The following IL1RAPL1 variants were observed in gnomAD, a reference collection of about 807,000 sequenced individuals.
The protein encoded by IL1RAPL1 is interleukin 1 receptor accessory protein like 1, also known as interleukin-1 receptor accessory protein-like 1.
A neutral mutation model predicts 48.4 loss-of-function variants in IL1RAPL1; 3 were observed. The observed-to-expected ratio is 0.06, with a 90% CI of 0.03 to 0.16. IL1RAPL1 has a LOEUF of 0.16. IL1RAPL1 is among the 10% of genes least tolerant of loss of function. IL1RAPL1 has a pLI of 1.00. For missense variants in IL1RAPL1, 349 were observed against 530.6 expected, an observed-to-expected ratio of 0.66 and a Z score of 3.36; for synonymous variants, 185 against 187.7, an observed-to-expected ratio of 0.99 and a Z score of 0.12.
At chrX:29,384,068 A>G (rs763104269) in intron 3 of IL1RAPL1, among the ~76,000 whole-genome samples, 5 of 112,394 alleles carry the variant, frequency 4.4e-5, no homozygotes, top group African/African-American at 1.6e-4. Flanking sequence ...AGGAATTTAT[A>G]TATAATGTGG....
intron 5 of IL1RAPL1, among the ~76,000 whole-genome samples, chrX:29,481,517 G>T (rs1424423198): frequency 8.9e-6 from 1 of 112,451 alleles, no homozygotes; most frequent in Non-Finnish European, 1.9e-5. Context: ...GAAATGAGGT[G>T]CTGGTGTGGA....
intron 5 of IL1RAPL1, among the ~76,000 whole-genome samples, chrX:29,544,545 TTTGGACAATCACTTA>T (rs1445925138): frequency 8.9e-6 from 1 of 112,108 alleles, no homozygotes; most frequent in African/African-American, 3.2e-5. Context: ...GCTAATTGAC[TTTGGACAATCACTTA>T]TTGCTCTGGA....
At chrX:28,878,641 C>A (rs761067155) in intron 2 of IL1RAPL1, among the ~76,000 whole-genome samples, 20 of 111,616 alleles carry the variant, frequency 1.8e-4, no homozygotes, top group African/African-American at 5.9e-4. Context: ...TCTAAGTAAA[C>A]AAGAGGGGCA....
chrX:29,499,987 T>G (rs1300932808), intron 5 of IL1RAPL1, among the ~76,000 whole-genome samples: 2 of 110,697 alleles, frequency 1.8e-5, no homozygotes, highest in Admixed American at 1.9e-4. Context: ...CTTTTTCTTT[T>G]TTTTTTGAGA....
chrX:28,847,368 C>G (rs1921536168), intron 2 of IL1RAPL1, among the ~76,000 whole-genome samples: 1 of 111,312 alleles, frequency 9.0e-6, no homozygotes, highest in South Asian at 3.8e-4. Context: ...CCCTTGCTCC[C>G]TTTAACTGTT....
intron 3 of IL1RAPL1, among the ~76,000 whole-genome samples, chrX:29,338,088 T>C (rs1052779689): frequency 4.5e-5 from 5 of 112,205 alleles, no homozygotes; most frequent in African/African-American, 1.6e-4. Context: ...CATATCTTAA[T>C]CATTTTTTAT....
intron 2 of IL1RAPL1, among the ~76,000 whole-genome samples, chrX:29,168,937 ATATT>A (rs1929857311): frequency 1.3e-5 from 1 of 79,335 alleles, no homozygotes; most frequent in African/African-American, 4.3e-5. Context: ...TTGTATATAT[ATATT>A]CATATGTACA....
At position 29,391,655 on chromosome X, in the gene IL1RAPL1, G is replaced by A. The variant is rs774972894; in HGVS notation, c.363-4603G>A. On this transcript the variant is annotated intron_variant, in intron 3 of 10. Transcript: ENST00000378993. Reference sequence around the variant, plus strand: ...TTTAAGTCCTTAACGTCCAGAAGACGTTTATTTTAGACTGTAAAGTAAAGT... The same window carrying A: ...TTTAAGTCCTTAACGTCCAGAAGACATTTATTTTAGACTGTAAAGTAAAGT... Among the ~76,000 whole-genome samples the A allele has an allele frequency of 2.6e-4, 29 of 111,732 alleles. No homozygotes were observed. The South Asian group carries it at 3.7e-3, about 14-fold the overall frequency.
At chrX:29,873,080 C>G (rs1325285307) in intron 6 of IL1RAPL1, among the ~76,000 whole-genome samples, 1 of 111,516 alleles carries the variant, frequency 9.0e-6, no homozygotes, top group Non-Finnish European at 1.9e-5. Flanking sequence ...AGTTGACAGG[C>G]TGTGCAACCA....
At chrX:28,644,549 T>G (rs1934586407) in intron 1 of IL1RAPL1, among the ~76,000 whole-genome samples, 1 of 111,561 alleles carries the variant, frequency 9.0e-6, no homozygotes, top group Admixed American at 9.6e-5. Context: ...TCAGTTCATA[T>G]ATCTGTTAAT....
chrX:28,755,927 T>C (rs1189792391), intron 1 of IL1RAPL1, among the ~76,000 whole-genome samples: 1 of 111,672 alleles, frequency 9.0e-6, no homozygotes, highest in Non-Finnish European at 1.9e-5. Context: ...ACTTCTGTTA[T>C]TGCTACTCGT....
chrX:29,477,377 A>G (rs773940448), intron 5 of IL1RAPL1, among the ~76,000 whole-genome samples: 1 of 112,067 alleles, frequency 8.9e-6, no homozygotes, highest in Non-Finnish European at 1.9e-5. Context: ...AGGTTATACA[A>G]TTCAGAAGAC....
At chrX:29,351,808 C>T (rs755913359) in intron 3 of IL1RAPL1, among the ~76,000 whole-genome samples, 1 of 111,369 alleles carries the variant, frequency 9.0e-6, no homozygotes, top group Admixed American at 9.5e-5. Context: ...TCCAAGCTGC[C>T]CTACCATCAT....
At chrX:29,326,315 A>C (rs1249691057) in intron 3 of IL1RAPL1, among the ~76,000 whole-genome samples, 1 of 112,357 alleles carries the variant, frequency 8.9e-6, no homozygotes, top group Non-Finnish European at 1.9e-5. Context: ...CAAGGATACT[A>C]TCTCTCCAGT....
chrX:29,672,477 AG>A (rs1167972748), intron 6 of IL1RAPL1, among the ~76,000 whole-genome samples: 1 of 111,554 alleles, frequency 9.0e-6, no homozygotes, highest in Non-Finnish European at 1.9e-5. Context: ...ATTAAGTACA[AG>A]TGGATGCTCT....
At chrX:29,124,574 C>T (rs919379806) in intron 2 of IL1RAPL1, among the ~76,000 whole-genome samples, 3 of 111,926 alleles carry the variant, frequency 2.7e-5, no homozygotes, top group Non-Finnish European at 5.6e-5. Context: ...AAAGGATTGG[C>T]AAAAAGACTG....
At chrX:29,342,109 G>GTTTT (rs371110401) in intron 3 of IL1RAPL1, among the ~76,000 whole-genome samples, 2 of 81,033 alleles carry the variant, frequency 2.5e-5, no homozygotes, top group African/African-American at 4.4e-5. Context: ...ACACGGCCTT[G>GTTTT]TTTTGTGTGT....
At chrX:29,415,934 C>T (rs770856151) in intron 5 of IL1RAPL1, among the ~76,000 whole-genome samples, 3 of 111,846 alleles carry the variant, frequency 2.7e-5, no homozygotes, top group African/African-American at 9.8e-5. Context: ...ATAGAATCAA[C>T]AATTGAGTCA....
chrX:29,344,351 G>A (rs180728638), intron 3 of IL1RAPL1, among the ~76,000 whole-genome samples: 2 of 111,542 alleles, frequency 1.8e-5, no homozygotes, highest in Admixed American at 1.9e-4. Flanking sequence ...TTTCATCTAT[G>A]GAATTATATT....
Sources: gnomAD v4.1 joint callset for allele counts (sites outside exome capture counted in the v4.1 genomes callset) on GRCh38, gnomAD v4.1.1 for gene constraint, MANE v1.5 for transcripts, NCBI Gene and HGNC (gene_info 2026-07-23, HGNC 2026-07-21) for gene names.